Variants in L3MBTL4 observed in about 807,000 individuals in gnomAD.
The protein encoded by L3MBTL4 is lethal(3)malignant brain tumor-like protein 4.
A neutral mutation model predicts 84.5 loss-of-function variants in L3MBTL4; 70 were observed. That is an observed-to-expected ratio of 0.83 (90% CI 0.68 to 1.01). L3MBTL4 has a LOEUF of 1.01. Among genes scored for constraint, L3MBTL4 ranks in the 50% least tolerant of loss-of-function variants. The probability of loss-of-function intolerance (pLI) is 0.00; values close to 1 mark genes in which losing one functional copy is unlikely to be tolerated. For synonymous variants in L3MBTL4, 274 were observed against 259.8 expected, an observed-to-expected ratio of 1.05 and a Z score of -0.52; for missense variants, 715 against 754.8, an observed-to-expected ratio of 0.95 and a Z score of 0.62.
intron 1 of L3MBTL4, among the ~76,000 whole-genome samples, chr18:6,379,163 A>AT (rs1252907010): frequency 1.8e-4 from 28 of 152,210 alleles, no homozygotes; most frequent in Admixed American, 1.3e-4. Flanking sequence ...TTGCACATTG[A>AT]TTTTTTATCC....
At chr18:5,982,190 G>A (rs1314785911) in intron 16 of L3MBTL4, among the ~76,000 whole-genome samples, 1 of 152,006 alleles carries the variant, frequency 6.6e-6, no homozygotes, top group Non-Finnish European at 1.5e-5. Context: ...GTGGAGCTAC[G>A]AGCTCCCACC....
At chr18:5,975,834 A>G (rs1201007581) in intron 16 of L3MBTL4, among the ~76,000 whole-genome samples, 1 of 152,224 alleles carries the variant, frequency 6.6e-6, no homozygotes, top group African/African-American at 2.4e-5. Flanking sequence ...TTAGATGCCA[A>G]GTCATATTGC....
chr18:6,001,838 A>G (rs1368373186), intron 16 of L3MBTL4, among the ~76,000 whole-genome samples: 3 of 152,202 alleles, frequency 2.0e-5, no homozygotes, highest in Non-Finnish European at 4.4e-5. Flanking sequence ...GAGTTTCTGA[A>G]GGAAAAAAGA....
At chr18:6,068,917 T>A (rs2057488990) in intron 16 of L3MBTL4, among the ~76,000 whole-genome samples, 1 of 152,114 alleles carries the variant, frequency 6.6e-6, no homozygotes, top group Admixed American at 6.6e-5. Context: ...TGTGATGCTC[T>A]CCCCCTTCCC....
At chr18:6,164,952 C>A (rs913545701) in intron 13 of L3MBTL4, among the ~76,000 whole-genome samples, 4 of 152,098 alleles carry the variant, frequency 2.6e-5, no homozygotes, top group Non-Finnish European at 5.9e-5. Context: ...AGACGAATGG[C>A]TAACTAGAAT....
intron 13 of L3MBTL4, among the ~76,000 whole-genome samples, chr18:6,163,531 A>T (rs145281694): frequency 7.4e-4 from 113 of 152,336 alleles, no homozygotes; most frequent in Non-Finnish European, 1.2e-3. Flanking sequence ...AAAGTCAAAC[A>T]GCAAAAACTG....
chr18:6,094,673 G>A (rs1213817898), intron 14 of L3MBTL4, among the ~76,000 whole-genome samples: 4 of 151,892 alleles, frequency 2.6e-5, no homozygotes, highest in Non-Finnish European at 5.9e-5. Flanking sequence ...TTATTTTAAG[G>A]TCATGATAAA....
At chr18:6,203,274 G>C (rs538381) in intron 12 of L3MBTL4, among the ~76,000 whole-genome samples, 1 of 152,206 alleles carries the variant, frequency 6.6e-6, no homozygotes, top group Non-Finnish European at 1.5e-5. Flanking sequence ...AGGCTAGATA[G>C]GGAAACGCTG....
intron 12 of L3MBTL4, among the ~76,000 whole-genome samples, chr18:6,212,861 T>C (rs1016070212): frequency 5.3e-5 from 8 of 152,272 alleles, no homozygotes; most frequent in African/African-American, 1.9e-4. Context: ...GACATGTGAC[T>C]AGAAATTAAG....
chr18:6,248,864 A>G (rs2047801881), intron 5 of L3MBTL4, among the ~76,000 whole-genome samples: 1 of 152,134 alleles, frequency 6.6e-6, no homozygotes, highest in African/African-American at 2.4e-5. Flanking sequence ...AGCCTTTTTT[A>G]TATAAGCATG....
At chr18:6,356,008 C>T (rs1237698461) in intron 1 of L3MBTL4, among the ~76,000 whole-genome samples, 4 of 152,172 alleles carry the variant, frequency 2.6e-5, no homozygotes, top group African/African-American at 9.7e-5. Flanking sequence ...ACCTCTAGAG[C>T]TCCTCCACAG....
chr18:6,052,216 A>C (rs1415441346), intron 16 of L3MBTL4, among the ~76,000 whole-genome samples: 1 of 152,218 alleles, frequency 6.6e-6, no homozygotes, highest in Non-Finnish European at 1.5e-5. Context: ...TTGATTTTTA[A>C]ATTATGAATA....
At chr18:6,153,634 C>A (rs1458950102) in intron 13 of L3MBTL4, among the ~76,000 whole-genome samples, 1 of 151,962 alleles carries the variant, frequency 6.6e-6, no homozygotes, top group Non-Finnish European at 1.5e-5. Flanking sequence ...GGCTCGGTGT[C>A]CCCACCCAAA....
intron 1 of L3MBTL4, among the ~76,000 whole-genome samples, chr18:6,402,191 G>A (rs778708613): frequency 2.0e-5 from 3 of 152,048 alleles, no homozygotes; most frequent in South Asian, 2.1e-4. Context: ...TAAGTACCTC[G>A]GGGAGCTATA....
At chr18:6,184,682 G>T (rs559030174) in intron 12 of L3MBTL4, among the ~76,000 whole-genome samples, 1 of 152,158 alleles carries the variant, frequency 6.6e-6, no homozygotes, top group African/African-American at 2.4e-5. Context: ...GGTAAACAAG[G>T]ATTTTGATCT....
intron 1 of L3MBTL4, among the ~76,000 whole-genome samples, chr18:6,339,624 AT>A (rs2052512563): frequency 2.6e-5 from 4 of 152,316 alleles, no homozygotes; most frequent in Admixed American, 2.6e-4. Context: ...TGGAATGGAA[AT>A]AAAATGCACA....
At chr18:6,182,879 C>T (rs1386008732) in intron 12 of L3MBTL4, among the ~76,000 whole-genome samples, 1 of 152,112 alleles carries the variant, frequency 6.6e-6, no homozygotes, top group Admixed American at 6.5e-5. Flanking sequence ...CTATCTAATG[C>T]CACTGAAAAT....
chr18:6,219,757 G>A (rs116982682), intron 10 of L3MBTL4, among the ~76,000 whole-genome samples: 4,434 of 152,086 alleles, frequency 0.029, 80 homozygotes, highest in Middle Eastern at 0.065. Context: ...CAGCCTGAAC[G>A]CTCAGGAAGA....
intron 17 of L3MBTL4, chr18:5,960,633 C>T (rs9949528): frequency 0.37 from 56,407 of 152,252 alleles, 10,759 homozygotes; most frequent in East Asian, 0.51. Context: ...CACAGGAGAT[C>T]AGAGAATCTA....
Sources: allele counts gnomAD v4.1 joint callset (sites outside exome capture counted in the v4.1 genomes callset), GRCh38; gene constraint gnomAD v4.1.1; transcripts MANE v1.5; gene names NCBI Gene and HGNC (gene_info 2026-07-23, HGNC 2026-07-21).